KIAA1328: variants seen among roughly 807,000 people sequenced by gnomAD.
KIAA1328 encodes the protein protein hinderin.
KIAA1328 carries 52 observed loss-of-function variants against 68.1 expected under a neutral mutation model. The observed-to-expected ratio is 0.76, with a 90% confidence interval of 0.61 to 0.96. KIAA1328 has a LOEUF of 0.96. Among genes scored for constraint, KIAA1328 ranks in the 40% least tolerant of loss-of-function variants. The probability of loss-of-function intolerance (pLI) is 0.00; values close to 1 mark genes in which losing one functional copy is unlikely to be tolerated. For synonymous variants in KIAA1328, 232 were observed against 239.4 expected (o/e 0.97, Z 0.28); for missense variants, 641 against 677.6 (o/e 0.95, Z 0.60).
chr18:36,890,032 T>G (rs1598619349), intron 5 of KIAA1328, among the ~76,000 whole-genome samples: 1 of 152,122 alleles, frequency 6.6e-6, no homozygotes, highest in Non-Finnish European at 1.5e-5. Context: ...GTTGTGGTTT[T>G]TTTGTTTGTT....
At chr18:37,043,697 T>G (rs1020807475) in intron 6 of KIAA1328, among the ~76,000 whole-genome samples, 2 of 152,252 alleles carry the variant, frequency 1.3e-5, no homozygotes, top group African/African-American at 4.8e-5. Flanking sequence ...ATGTCTTCTC[T>G]GTATTTGAGC....
chr18:36,993,275 T>C (rs1306566565), intron 6 of KIAA1328, among the ~76,000 whole-genome samples: 2 of 152,250 alleles, frequency 1.3e-5, no homozygotes, highest in African/African-American at 2.4e-5. Flanking sequence ...AGTATCTGTT[T>C]TAGTAACCAT....
At chr18:37,094,709 T>C (rs188109192) in intron 7 of KIAA1328, among the ~76,000 whole-genome samples, 27 of 152,304 alleles carry the variant, frequency 1.8e-4, no homozygotes, top group African/African-American at 5.8e-4. Context: ...AACAAAATTA[T>C]AGGAGCAATT....
At chr18:36,967,171 G>A (rs2051976250) in intron 6 of KIAA1328, among the ~76,000 whole-genome samples, 1 of 152,130 alleles carries the variant, frequency 6.6e-6, no homozygotes, top group Admixed American at 6.5e-5. Context: ...AAAGCAGAGA[G>A]TTTTCTTTAG....
chr18:36,893,465 T>TTTTTGTGTGTG (rs1556812093), intron 5 of KIAA1328, among the ~76,000 whole-genome samples: 23 of 120,650 alleles, frequency 1.9e-4, no homozygotes, highest in Non-Finnish European at 3.8e-4. Context: ...GTGTGTGTTT[T>TTTTTGTGTGTG]TGTGTGTGTG....
At chr18:37,069,404 C>T (rs982251631) in intron 7 of KIAA1328, among the ~76,000 whole-genome samples, 1 of 151,906 alleles carries the variant, frequency 6.6e-6, no homozygotes, top group Non-Finnish European at 1.5e-5. Flanking sequence ...GGATTACAGG[C>T]GTGAGCCACT....
At chr18:36,921,144 G>T (rs2049905941) in intron 5 of KIAA1328, 1 of 151,372 alleles carries the variant, frequency 6.6e-6, no homozygotes, top group Admixed American at 6.6e-5. Flanking sequence ...CATTTTTCTA[G>T]TTGTTTATAG....
intron 8 of KIAA1328, among the ~76,000 whole-genome samples, chr18:37,171,467 C>T (rs2059497883): frequency 6.6e-6 from 1 of 152,148 alleles, no homozygotes. Context: ...GCCTTGGCCT[C>T]CCAACGTGCT....
chr18:36,869,968 G>A (rs1601068650), intron 4 of KIAA1328, among the ~76,000 whole-genome samples: 1 of 151,944 alleles, frequency 6.6e-6, no homozygotes, highest in Non-Finnish European at 1.5e-5. Context: ...GTTCAAGAGA[G>A]TCTCCTCCCT....
intron 4 of KIAA1328, among the ~76,000 whole-genome samples, chr18:36,869,487 C>T (rs2047870949): frequency 6.6e-6 from 1 of 151,998 alleles, no homozygotes; most frequent in Admixed American, 6.6e-5. Flanking sequence ...GGATAATTTC[C>T]TGTGACCTTG....
intron 9 of KIAA1328, among the ~76,000 whole-genome samples, chr18:37,215,284 G>T (rs939194952): frequency 2.0e-5 from 3 of 152,114 alleles, no homozygotes; most frequent in Non-Finnish European, 1.5e-5. Flanking sequence ...TTGGCTGTGG[G>T]TTTGTCATAA....
At chr18:37,154,558 C>G (rs530000786) in intron 7 of KIAA1328, among the ~76,000 whole-genome samples, 1 of 152,174 alleles carries the variant, frequency 6.6e-6, no homozygotes, top group Non-Finnish European at 1.5e-5. Flanking sequence ...CCCATAACTC[C>G]TACCATCATT....
intron 6 of KIAA1328, among the ~76,000 whole-genome samples, chr18:37,006,179 A>G (rs1458074195): frequency 6.6e-6 from 1 of 152,160 alleles, no homozygotes; most frequent in Non-Finnish European, 1.5e-5. Flanking sequence ...TAAAAAAAGT[A>G]GTTATTTAAA....
chr18:37,014,184 G>T (rs1226419753), intron 6 of KIAA1328, among the ~76,000 whole-genome samples: 1 of 152,108 alleles, frequency 6.6e-6, no homozygotes, highest in African/African-American at 2.4e-5. Context: ...CATTTTTTAT[G>T]ATGGCATTTG....
chr18:37,121,525 A>C (rs1211824487), intron 7 of KIAA1328, among the ~76,000 whole-genome samples: 2 of 152,076 alleles, frequency 1.3e-5, no homozygotes, highest in African/African-American at 4.8e-5. Flanking sequence ...TTCAAATTTA[A>C]TAATTCTCTG....
intron 6 of KIAA1328, chr18:37,063,611 A>T (rs2056235255): frequency 1.0e-6 from 1 of 984,526 alleles, no homozygotes; most frequent in Non-Finnish European, 1.2e-6. Flanking sequence ...TCTGCCTATT[A>T]CACATGCACA....
At chr18:37,132,849 T>C (rs1450558173) in intron 7 of KIAA1328, among the ~76,000 whole-genome samples, 1 of 152,204 alleles carries the variant, frequency 6.6e-6, no homozygotes, top group Non-Finnish European at 1.5e-5. Context: ...ACAAATGTTC[T>C]TCAGTGGGTG....
intron 6 of KIAA1328, among the ~76,000 whole-genome samples, chr18:36,993,875 G>A (rs1455217962): frequency 7.9e-5 from 12 of 151,360 alleles, no homozygotes; most frequent in Non-Finnish European, 1.3e-4. Context: ...ACAAACAGAG[G>A]TGTTTTATTT....
chr18:36,982,667 A>G (rs2151378735), intron 6 of KIAA1328, among the ~76,000 whole-genome samples: 1 of 152,196 alleles, frequency 6.6e-6, no homozygotes, highest in Non-Finnish European at 1.5e-5. Context: ...GGAAAATTAT[A>G]CCAGATGGAA....
Sources: gnomAD v4.1 joint callset for allele counts (sites outside exome capture counted in the v4.1 genomes callset) on GRCh38, gnomAD v4.1.1 for gene constraint, MANE v1.5 for transcripts, NCBI Gene and HGNC (gene_info 2026-07-23, HGNC 2026-07-21) for gene names.